The following CALM2 variants were observed in gnomAD, a reference collection of about 807,000 sequenced individuals.
CALM2 encodes the protein calmodulin-2.
CALM2 carries 2 observed loss-of-function variants against 19.8 expected under a neutral mutation model. The observed-to-expected ratio is 0.10, with a 90% confidence interval of 0.04 to 0.32. The LOEUF (loss-of-function observed/expected upper bound fraction) is 0.32, where lower values mean the gene tolerates loss of function less well. Ranked by LOEUF, CALM2 falls within the 10% of genes least tolerant of loss-of-function variation. CALM2 has a pLI of 1.00. For missense variants in CALM2, 38 were observed against 178.7 expected, an observed-to-expected ratio of 0.21 and a Z score of 4.49; for synonymous variants, 51 against 52.1, an observed-to-expected ratio of 0.98 and a Z score of 0.09.
chr2:47,160,216 AT>A lies in CALM2; in HGVS notation c.*559del, dbSNP rs1217526027. The stretch of plus-strand genomic sequence containing the variant: ...AAAACAAATATACAACTTGGAATGG[AT>A]TTTGAGGCAAATTGTGCCATAAGCA... On this transcript the variant is annotated 3_prime_UTR_variant, in exon 6 of 6. Transcript: ENST00000272298. The A allele has an allele frequency of 1.3e-5, 2 of 152,678 alleles. No homozygotes were observed. Among genetic ancestry groups the A allele is most frequent in the Non-Finnish European group, 2.9e-5 (2 of 68,062 alleles). 9.5% of individuals were successfully genotyped at this position (152,678 alleles called of 1,614,324 possible). A position where few individuals can be genotyped will look rare whatever the true frequency, so the allele number is the denominator to read the frequency against.
intron 1 of CALM2, chr2:47,174,287 C>T (rs1666773035): frequency 6.6e-6 from 1 of 152,078 alleles, no homozygotes; most frequent in Non-Finnish European, 1.5e-5. Context: ...CAGGGTCTCA[C>T]TCTGTTGCCC....
chr2:47,176,414 G>T, intron 1 of CALM2, 27 bp downstream of exon 1: 1 of 1,612,380 alleles, frequency 6.2e-7, no homozygotes, highest in African/African-American at 1.3e-5. Flanking sequence ...CACAGGCCCA[G>T]CGCCGGCAGC....
In CALM2 at chr2:47,160,817, A is replaced by T. The variant is rs757156716; in HGVS notation, c.422-13T>A. 5 of 1,458,580 alleles carry T rather than the reference A, an allele frequency of 3.4e-6. No individual in the cohort carries two copies. The highest frequency in any genetic ancestry group is 4.7e-5 in the East Asian group (2 of 42,622). 90.4% of individuals were successfully genotyped at this position (1,458,580 alleles called of 1,614,324 possible). A position where few individuals can be genotyped will look rare whatever the true frequency, so the allele number is the denominator to read the frequency against. On this transcript the variant is annotated splice_polypyrimidine_tract_variant and intron_variant, in intron 5 of 5. Transcript: ENST00000272298. ...ATTTGTACAAACTCTGAAAAAGAAG[A>T]AGTACACAAAAAATGAGTCAATAGC...
intron 1 of CALM2, chr2:47,174,340 C>T (rs1666774661): frequency 6.6e-6 from 1 of 152,114 alleles, no homozygotes; most frequent in Non-Finnish European, 1.5e-5. Context: ...CAGTCTCCAA[C>T]TCCCGGGCCC....
intron 1 of CALM2, chr2:47,171,412 T>G (rs987117911): frequency 5.2e-5 from 8 of 152,708 alleles, no homozygotes; most frequent in Admixed American, 2.0e-4. Context: ...CATTATAAAT[T>G]TTATCCTTAT....
intron 1 of CALM2, among the ~76,000 whole-genome samples, chr2:47,175,605 G>A (rs1449202058): frequency 6.6e-6 from 1 of 152,134 alleles, no homozygotes; most frequent in Non-Finnish European, 1.5e-5. Context: ...CGGCCTGGGT[G>A]GTGGAAGACG....
At chr2:47,165,055 G>A (rs867474108) in intron 2 of CALM2, among the ~76,000 whole-genome samples, 2 of 152,262 alleles carry the variant, frequency 1.3e-5, no homozygotes, top group African/African-American at 2.4e-5. Flanking sequence ...AATTTTGGAA[G>A]GCACTACTAC....
chr2:47,167,624 G>A, intron 2 of CALM2: 1 of 136,600 alleles, frequency 7.3e-6, no homozygotes, highest in Non-Finnish European at 1.5e-5. Context: ...AAGTTGGACA[G>A]CAAAGGTTGC....
At chr2:47,170,879 C>T (rs1418390270) in intron 1 of CALM2, 115 bp from the exon 2 acceptor site, 31 of 810,556 alleles carry the variant, frequency 3.8e-5, no homozygotes, top group Non-Finnish European at 6.6e-6. Context: ...TTAGTTCCAG[C>T]AACAAACACA....
At chr2:47,165,714 C>T (rs1374178679) in intron 2 of CALM2, among the ~76,000 whole-genome samples, 1 of 152,140 alleles carries the variant, frequency 6.6e-6, no homozygotes, top group African/African-American at 2.4e-5. Flanking sequence ...CTACCCATCT[C>T]GCTCAATAAA....
At chr2:47,164,064 C>T (rs986825985) in intron 2 of CALM2, 1 of 151,894 alleles carries the variant, frequency 6.6e-6, no homozygotes, top group East Asian at 2.0e-4. Context: ...GGTGAAACCC[C>T]ATCTCTACTA....
chr2:47,176,584 CGGAACA>C, upstream of CALM2: 2 of 1,545,698 alleles, frequency 1.3e-6, no homozygotes, highest in Non-Finnish European at 1.7e-6. Flanking sequence ...ATCCAGATAA[CGGAACA>C]TCGCAAACGA....
At chr2:47,161,908 T>G in intron 4 of CALM2, 50 bp from the exon 5 acceptor site, 1 of 1,482,988 alleles carries the variant, frequency 6.7e-7, no homozygotes, top group Non-Finnish European at 9.2e-7. Context: ...GACTTGAGAG[T>G]TGGAATGGAA....
intron 2 of CALM2, among the ~76,000 whole-genome samples, chr2:47,164,786 A>G (rs1009367320): frequency 1.3e-5 from 2 of 152,206 alleles, no homozygotes. Flanking sequence ...ACATAGCCAT[A>G]CATTTGAAAA....
chr2:47,167,222 G>A (rs1045576664), intron 2 of CALM2, among the ~76,000 whole-genome samples: 1 of 152,090 alleles, frequency 6.6e-6, no homozygotes, highest in African/African-American at 2.4e-5. Context: ...TTTGGACCTT[G>A]AAAATTTAAT....
At chr2:47,173,143 T>C (rs1467657082) in intron 1 of CALM2, 1 of 152,176 alleles carries the variant, frequency 6.6e-6, no homozygotes, top group East Asian at 1.9e-4. Flanking sequence ...GAATAAACTT[T>C]TACCAGCAAT....
intron 1 of CALM2, among the ~76,000 whole-genome samples, chr2:47,175,867 C>G (rs1666844946): frequency 6.8e-6 from 1 of 148,036 alleles, no homozygotes. Context: ...TCGGCCCACA[C>G]AGCGCGCCGC....
intron 1 of CALM2, 113 bp from the exon 2 acceptor site, chr2:47,170,877 A>G: frequency 1.2e-6 from 1 of 821,990 alleles, no homozygotes; most frequent in Non-Finnish European, 2.2e-6. Context: ...ATTTAGTTCC[A>G]GCAACAAACA....
rs56839340 is a variant in CALM2 at position 47,162,171 on chromosome 2, C to CAAAA, written c.285+111_285+114dup. 997 of 129,946 alleles carry CAAAA rather than the reference C, an allele frequency of 7.7e-3. 2 individuals carry two copies. Among genetic ancestry groups the CAAAA allele is most frequent in the African/African-American group, 0.012 (189 of 16,230 alleles). 8.0% of individuals were successfully genotyped at this position (129,946 alleles called of 1,614,324 possible). On this transcript the variant is annotated intron_variant, in intron 4 of 5. Coordinates refer to ENST00000272298, the MANE Select transcript of CALM2 (RefSeq NM_001743.6). The stretch of plus-strand genomic sequence containing the variant: ...TAATTAAAATATGTTGGTAAATCAT[C>CAAAA]AAAAAAAAAAAAAAAAAAAAAAAAA...
Sources: gnomAD v4.1 joint callset for allele counts (sites outside exome capture counted in the v4.1 genomes callset) on GRCh38, gnomAD v4.1.1 for gene constraint, MANE v1.5 for transcripts, NCBI Gene and HGNC (gene_info 2026-07-23, HGNC 2026-07-21) for gene names.